Variants in PVT1 observed in about 807,000 individuals in gnomAD.
PVT1 encodes the protein Pvt1 oncogene, also known as CXCR4/PVT1 fusion.
chr8:128,041,881 A>T (rs902964104), intron 4 of PVT1, among the ~76,000 whole-genome samples: 12 of 152,078 alleles, frequency 7.9e-5, no homozygotes, highest in African/African-American at 2.9e-4. Flanking sequence ...TGGGCCACCT[A>T]TGTATTTGAC....
intron 4 of PVT1, among the ~76,000 whole-genome samples, chr8:128,048,003 A>T (rs1450209433): frequency 6.6e-6 from 1 of 152,226 alleles, no homozygotes; most frequent in African/African-American, 2.4e-5. Flanking sequence ...CTTTTTAAAG[A>T]ATAGTGCCTA....
chr8:127,981,760 C>A (rs922195747), intron 3 of PVT1, among the ~76,000 whole-genome samples: 2 of 152,166 alleles, frequency 1.3e-5, no homozygotes, highest in Admixed American at 1.3e-4. Flanking sequence ...TCTTCCCACA[C>A]CCCCACTGCA....
chr8:128,044,614 C>G (rs1010966562), intron 4 of PVT1, among the ~76,000 whole-genome samples: 2 of 152,198 alleles, frequency 1.3e-5, no homozygotes, highest in African/African-American at 4.8e-5. Context: ...AGTAAGGACT[C>G]AGTAAATGTT....
At chr8:128,024,855 CAATT>C (rs371533567) in intron 4 of PVT1, among the ~76,000 whole-genome samples, 2 of 152,218 alleles carry the variant, frequency 1.3e-5, no homozygotes, top group African/African-American at 4.8e-5. Flanking sequence ...CATCTCTAAT[CAATT>C]CATTCATTCA....
intron 5 of PVT1, among the ~76,000 whole-genome samples, chr8:128,075,694 A>C (rs920101016): frequency 3.3e-5 from 5 of 152,176 alleles, no homozygotes; most frequent in African/African-American, 1.2e-4. Context: ...CCTCTGGTAG[A>C]GTATTTTGCA....
intron 4 of PVT1, among the ~76,000 whole-genome samples, chr8:128,012,032 T>A (rs1008033892): frequency 2.8e-4 from 42 of 152,216 alleles, no homozygotes; most frequent in African/African-American, 9.4e-4. Flanking sequence ...TCACAGTGAA[T>A]CATTACAAAC....
chr8:128,030,136 C>T lies in PVT1; in HGVS notation n.913-40024C>T, dbSNP rs543409671. On this transcript the variant is annotated intron_variant and non_coding_transcript_variant, in intron 4 of 10. Coordinates refer to ENST00000651587, the Ensembl canonical transcript of PVT1. ...TTAAGAAAAAGAAAAATTAAAAAAACCTTTTTATCCTACCAACGTATATAC... is the reference window on the plus strand; with the variant it reads ...TTAAGAAAAAGAAAAATTAAAAAAATCTTTTTATCCTACCAACGTATATAC... Among the ~76,000 whole-genome samples, 28 of 152,134 alleles carry T rather than the reference C, an allele frequency of 1.8e-4. 3 individuals are homozygous for T. In the South Asian group the frequency reaches 4.6e-3, roughly 25 times the overall value.
At chr8:128,017,002 A>AC (rs1817382142) in intron 4 of PVT1, among the ~76,000 whole-genome samples, 1 of 152,212 alleles carries the variant, frequency 6.6e-6, no homozygotes, top group African/African-American at 2.4e-5. Flanking sequence ...ACTGGGAAAC[A>AC]CAGCAAGACC....
intron 3 of PVT1, among the ~76,000 whole-genome samples, chr8:127,950,318 A>G (rs374154847): frequency 4.6e-5 from 7 of 152,248 alleles, no homozygotes; most frequent in African/African-American, 1.7e-4. Context: ...TAGGAGTGGG[A>G]GGCTGAGACC....
intron 4 of PVT1, among the ~76,000 whole-genome samples, chr8:128,047,848 T>C (rs952276985): frequency 3.3e-5 from 5 of 152,212 alleles, no homozygotes; most frequent in Admixed American, 2.0e-4. Context: ...ATTCAAAACT[T>C]CACATCATAT....
chr8:128,062,432 C>CT (rs1239378043), intron 4 of PVT1, among the ~76,000 whole-genome samples: 1 of 151,938 alleles, frequency 6.6e-6, no homozygotes, highest in South Asian at 2.1e-4. Flanking sequence ...CAACAGGAAA[C>CT]AAACAAATAA....
chr8:127,833,490 G>T (rs1355131166), intron 2 of PVT1, among the ~76,000 whole-genome samples: 1 of 151,232 alleles, frequency 6.6e-6, no homozygotes, highest in Non-Finnish European at 1.5e-5. Context: ...ACAGGGTCTT[G>T]CTCTGTCGCC....
rs551033404 is a variant in PVT1 at position 128,053,180 on chromosome 8, C to G, written n.913-16980C>G. On this transcript the variant is annotated intron_variant and non_coding_transcript_variant, in intron 4 of 10. Coordinates refer to ENST00000651587, the Ensembl canonical transcript of PVT1. ...ACAGCTAGATTGAGATCTGAGCTCA[C>G]TCATCACTAAGTGACTATGAGCAAA... Among the ~76,000 whole-genome samples, 221 of 152,306 alleles carry G rather than the reference C, an allele frequency of 1.5e-3. 1 individual carries two copies. Among genetic ancestry groups the G allele is most frequent in the Non-Finnish European group, 2.6e-3 (176 of 68,026 alleles).
At chr8:127,875,156 C>T (rs901743087) in intron 2 of PVT1, among the ~76,000 whole-genome samples, 1 of 152,184 alleles carries the variant, frequency 6.6e-6, no homozygotes, top group African/African-American at 2.4e-5. Context: ...AACTCTTTCC[C>T]ACCTTAACCA....
At chr8:127,964,087 C>T (rs1302115165) in intron 3 of PVT1, among the ~76,000 whole-genome samples, 8 of 152,178 alleles carry the variant, frequency 5.3e-5, no homozygotes, top group Admixed American at 2.0e-4. Flanking sequence ...GCCATGACGA[C>T]GATGACCCCC....
At chr8:127,813,748 C>A (rs1236572549) in intron 2 of PVT1, among the ~76,000 whole-genome samples, 1 of 152,164 alleles carries the variant, frequency 6.6e-6, no homozygotes, top group Admixed American at 6.5e-5. Flanking sequence ...GCTCCTTCAA[C>A]AAAAACATGG....
At chr8:128,052,005 G>C (rs1813704621) in intron 4 of PVT1, among the ~76,000 whole-genome samples, 1 of 152,124 alleles carries the variant, frequency 6.6e-6, no homozygotes, top group Admixed American at 6.5e-5. Flanking sequence ...AACCCTTGGG[G>C]TCTTGTGTTG....
intron 4 of PVT1, among the ~76,000 whole-genome samples, chr8:128,056,254 T>A (rs145455260): frequency 9.3e-4 from 142 of 152,292 alleles, no homozygotes; most frequent in Middle Eastern, 3.4e-3. Context: ...GTGGAACTTG[T>A]GTGAGGATTA....
At chr8:127,804,481 T>A (rs566273305) in intron 2 of PVT1, among the ~76,000 whole-genome samples, 5 of 151,936 alleles carry the variant, frequency 3.3e-5, no homozygotes, top group East Asian at 1.9e-4. Context: ...TGTGGTTTTT[T>A]ATTTTTTAAT....
Sources: allele counts gnomAD v4.1 joint callset (sites outside exome capture counted in the v4.1 genomes callset), GRCh38; gene constraint gnomAD v4.1.1; transcripts MANE v1.5; gene names NCBI Gene and HGNC (gene_info 2026-07-23, HGNC 2026-07-21).